Variants in LRIG1 observed in about 807,000 individuals in gnomAD.
LRIG1 encodes the protein leucine rich repeats and immunoglobulin like domains 1, also known as leucine-rich repeats and immunoglobulin-like domains protein 1.
Under a neutral mutation model 99.2 loss-of-function variants are expected in LRIG1, and 48 were observed. The observed-to-expected ratio is 0.48, with a 90% CI of 0.38 to 0.62. LRIG1 has a LOEUF of 0.62. Ranked by LOEUF, LRIG1 falls within the 20% of genes least tolerant of loss-of-function variation. LRIG1 has a pLI of 0.00. For synonymous variants in LRIG1, 772 were observed against 596.1 expected, an observed-to-expected ratio of 1.29 and a Z score of -4.30; for missense variants, 1,646 against 1,434.4, an observed-to-expected ratio of 1.15 and a Z score of -2.38.
intron 1 of LRIG1, among the ~76,000 whole-genome samples, chr3:66,494,114 G>A (rs1701175608): frequency 1.3e-5 from 2 of 152,100 alleles, no homozygotes; most frequent in South Asian, 4.1e-4. Flanking sequence ...TTCAAATTGT[G>A]CTCCAGAATC....
chr3:66,475,359 T>C (rs1200960331), intron 1 of LRIG1, among the ~76,000 whole-genome samples: 1 of 152,234 alleles, frequency 6.6e-6, no homozygotes. Flanking sequence ...GGTTTTGTTC[T>C]ATGCCCTGAG....
At position 66,381,637 on chromosome 3, in the gene LRIG1, A is replaced by G. The variant is rs1203158855; in HGVS notation, c.2618-6T>C. ...TGCATCTCTTGGACACACACCTGCA[A>G]GTGGATTCCAACACGATTAGAAACT... On this transcript the variant is annotated splice_polypyrimidine_tract_variant and splice_region_variant and intron_variant, in intron 16 of 18. Coordinates refer to ENST00000273261, the MANE Select transcript of LRIG1 (RefSeq NM_015541.3). The G allele has an allele frequency of 6.2e-7, 1 of 1,610,904 alleles. No individual in the cohort carries two copies. The highest frequency in any genetic ancestry group is 8.5e-7 in the Non-Finnish European group (1 of 1,177,332).
chr3:66,417,152 T>G lies in LRIG1; in HGVS notation c.480A>C (p.Pro160=). The change falls in exon 4 of 19, where the codon CCA becomes CCC. Residue 160 remains proline, a synonymous_variant. Transcript: ENST00000273261. ...ACAGCTCCTTTATAGGCGGTCCGTG[T>G]GGAAAGCAGGTGTTCCGCACTTCCG... ...NITEVRNTCF[P]HGPPIKELNL... The G allele has an allele frequency of 6.2e-7, 1 of 1,614,174 alleles. No individual in the cohort carries two copies. The highest frequency in any genetic ancestry group is 1.1e-5 in the South Asian group (1 of 91,072).
intron 9 of LRIG1, among the ~76,000 whole-genome samples, chr3:66,400,550 GAGAGGAAGCCCCTGGAGA>G (rs1409689858): frequency 1.3e-5 from 2 of 152,080 alleles, no homozygotes; most frequent in African/African-American, 4.8e-5. Context: ...AGGTGGGCAG[GAGAGGAAGCCCCTGGAGA>G]AAGCCCATCT....
chr3:66,395,298 C>T (rs932427767), intron 11 of LRIG1, among the ~76,000 whole-genome samples: 1 of 152,190 alleles, frequency 6.6e-6, no homozygotes, highest in African/African-American at 2.4e-5. Flanking sequence ...CTTCTCCACC[C>T]ACCACTGTCC....
intron 1 of LRIG1, among the ~76,000 whole-genome samples, chr3:66,473,691 A>G (rs548239388): frequency 1.3e-5 from 2 of 152,360 alleles, no homozygotes; most frequent in South Asian, 2.1e-4. Flanking sequence ...GAATTTACCC[A>G]CAACTTTTCA....
rs1700931211 is a variant in LRIG1, at chr3:66,379,924, T to TAAAC, written c.*335_*338dup. The TAAAC allele has an allele frequency of 2.8e-5, 5 of 177,604 alleles. No homozygotes were observed. The highest frequency in any genetic ancestry group is 6.0e-5 in the Non-Finnish European group (5 of 83,792). The allele number at this position is 177,604 out of a possible 1,614,324, so 11.0% of individuals were successfully genotyped here. A position where few individuals can be genotyped will look rare whatever the true frequency, so the allele number is the denominator to read the frequency against. On this transcript the variant is annotated 3_prime_UTR_variant, in exon 19 of 19. Transcript: ENST00000273261. ...ACTATTTCCCCACCCCCTCCAAAAT[T>TAAAC]AAACAGCAACCTGATACGAAAAATA...
intron 3 of LRIG1, among the ~76,000 whole-genome samples, chr3:66,451,178 C>T (rs6793403): frequency 0.042 from 6,463 of 152,162 alleles, 440 homozygotes; most frequent in African/African-American, 0.15. Context: ...TCACATTACC[C>T]AATTCACTGG....
At chr3:66,421,783 T>TA (rs1356305856) in intron 3 of LRIG1, among the ~76,000 whole-genome samples, 2 of 152,166 alleles carry the variant, frequency 1.3e-5, no homozygotes, top group Non-Finnish European at 2.9e-5. Context: ...GGCCACACCA[T>TA]ATTTCCCTTC....
intron 2 of LRIG1, among the ~76,000 whole-genome samples, chr3:66,457,541 A>G (rs1700257756): frequency 6.6e-6 from 1 of 152,210 alleles, no homozygotes. Context: ...CAAACGTAGC[A>G]GGAGAGAAGA....
intron 7 of LRIG1, chr3:66,409,694 C>T (rs1276002100): frequency 6.4e-6 from 1 of 155,766 alleles, no homozygotes; most frequent in African/African-American, 2.4e-5. Context: ...TTCACTGTCT[C>T]TGTTTGAGCC....
At chr3:66,429,640 G>T (rs1703091258) in intron 3 of LRIG1, among the ~76,000 whole-genome samples, 1 of 152,078 alleles carries the variant, frequency 6.6e-6, no homozygotes, top group Non-Finnish European at 1.5e-5. Context: ...TGTAATGGTG[G>T]GCACATGTGA....
At chr3:66,480,454 CATCTCAAAAAAGCT>C (rs1217007174) in intron 1 of LRIG1, among the ~76,000 whole-genome samples, 3 of 151,264 alleles carry the variant, frequency 2.0e-5, no homozygotes, top group Non-Finnish European at 4.4e-5. Flanking sequence ...ATTTGAATCA[CATCTCAAAAAAGCT>C]ATTTAAAAAA....
intron 1 of LRIG1, 49 bp from the exon 2 acceptor site, chr3:66,462,558 T>C (rs1307497637): frequency 3.9e-6 from 5 of 1,297,622 alleles, no homozygotes; most frequent in African/African-American, 1.5e-5. Context: ...CCTGGCATCA[T>C]ACCCAGAATT....
rs111579066 is a variant in LRIG1, at chr3:66,436,348, G to C, written c.365+15211C>G. Among the ~76,000 whole-genome samples the C allele has an allele frequency of 3.8e-3, 576 of 152,286 alleles. 3 individuals are homozygous for C. The highest frequency in any genetic ancestry group is 0.013 in the African/African-American group (549 of 41,554). On this transcript the variant is annotated intron_variant, in intron 3 of 18. Coordinates refer to ENST00000273261, the MANE Select transcript of LRIG1 (RefSeq NM_015541.3). ...GCTGGGTGCAGGCAAGCTCAGGAAG[G>C]GGCATTTCCTCCCCCGCCTCTTGCA...
chr3:66,426,781 A>G (rs1702996753), intron 3 of LRIG1, among the ~76,000 whole-genome samples: 2 of 152,294 alleles, frequency 1.3e-5, no homozygotes, highest in Admixed American at 1.3e-4. Context: ...TCCTCGTTTC[A>G]GTTCCGCCAA....
At chr3:66,432,088 G>GA (rs1703190750) in intron 3 of LRIG1, among the ~76,000 whole-genome samples, 3 of 152,338 alleles carry the variant, frequency 2.0e-5, no homozygotes, top group African/African-American at 7.2e-5. Context: ...TAAGTGCAGA[G>GA]CAGACTAAGA....
intron 3 of LRIG1, among the ~76,000 whole-genome samples, chr3:66,425,246 A>T (rs150862856): frequency 6.6e-6 from 1 of 152,250 alleles, no homozygotes; most frequent in Non-Finnish European, 1.5e-5. Context: ...CCACCCATAA[A>T]CTTCCAAAGC....
In LRIG1 at chr3:66,452,674, C is replaced by A. The variant is rs542855647; in HGVS notation, c.291-1041G>T. On this transcript the variant is annotated intron_variant, in intron 2 of 18. Transcript: ENST00000273261. ...AACTGAAATCACAGCTGTACTCATA[C>A]AAGTATACAGCTAGCATGTGCTTGA... Among the ~76,000 whole-genome samples the A allele has an allele frequency of 2.6e-5, 4 of 152,000 alleles. No homozygotes were observed. The South Asian group carries it at 6.2e-4, about 24-fold the overall frequency.
Sources: allele counts gnomAD v4.1 joint callset (sites outside exome capture counted in the v4.1 genomes callset), GRCh38; gene constraint gnomAD v4.1.1; transcripts MANE v1.5; gene names NCBI Gene and HGNC (gene_info 2026-07-23, HGNC 2026-07-21).